ROBO2: variants seen among roughly 807,000 people sequenced by gnomAD.
ROBO2 encodes roundabout guidance receptor 2.
Under a neutral mutation model 160.8 loss-of-function variants are expected in ROBO2, and 53 were observed. The ratio of observed to expected loss-of-function variants is 0.33; its 90% confidence interval spans 0.26 to 0.41. The LOEUF is 0.41. ROBO2 is among the 10% of genes least tolerant of loss of function. The pLI, the probability that ROBO2 is intolerant of heterozygous loss-of-function variation, is 1.00. For missense variants in ROBO2, 1,577 were observed against 1,722.4 expected, an observed-to-expected ratio of 0.92 and a Z score of 1.49; for synonymous variants, 664 against 611.7, an observed-to-expected ratio of 1.09 and a Z score of -1.26.
chr3:76,290,136 T>C (rs1708732068), intron 2 of ROBO2, among the ~76,000 whole-genome samples: 1 of 152,144 alleles, frequency 6.6e-6, no homozygotes, highest in Non-Finnish European at 1.5e-5. Context: ...GCATGGACTG[T>C]TTTCCATTTC....
At chr3:77,572,636 AACACACACAC>A (rs71104692) in intron 13 of ROBO2, among the ~76,000 whole-genome samples, 8 of 146,296 alleles carry the variant, frequency 5.5e-5, no homozygotes, top group African/African-American at 1.5e-4. Flanking sequence ...CGTACATAGA[AACACACACAC>A]ACACACACAC....
chr3:77,011,086 T>TTTCTTTCA (rs1491448134), intron 2 of ROBO2, among the ~76,000 whole-genome samples: 1 of 79,138 alleles, frequency 1.3e-5, no homozygotes, highest in Admixed American at 1.3e-4. Flanking sequence ...TCTTTCTTTC[T>TTTCTTTCA]TTTTCTTTCT....
intron 2 of ROBO2, among the ~76,000 whole-genome samples, chr3:77,428,862 A>G (rs1355941180): frequency 1.3e-5 from 2 of 152,162 alleles, no homozygotes; most frequent in Non-Finnish European, 1.5e-5. Flanking sequence ...TTCAGTGTTA[A>G]CTTTTTCAAA....
chr3:77,452,785 A>G (rs1384612183), intron 2 of ROBO2, among the ~76,000 whole-genome samples: 1 of 152,190 alleles, frequency 6.6e-6, no homozygotes, highest in Non-Finnish European at 1.5e-5. Context: ...TTTAAATAAA[A>G]AGCAGAATTT....
At position 76,057,703 on chromosome 3, in the gene ROBO2, AT is replaced by A. The variant is rs113923967; in HGVS notation, c.109+120110del. 7.3e-5 allele frequency among the ~76,000 whole-genome samples: 11 copies of A among 151,234 alleles called. No homozygotes were observed. The South Asian group carries it at 1.9e-3, about 26-fold the overall frequency. On this transcript the variant is annotated intron_variant, in intron 2 of 26. Transcript: ENST00000487694. ...CACTGCCGCCGACCAACAAGACCAG[AT>A]TTTTTTTTCCTTTTTGCAAATATTC... is the stretch of plus-strand genomic sequence containing the variant.
chr3:77,340,730 C>T (rs144552499), intron 2 of ROBO2, among the ~76,000 whole-genome samples: 22 of 152,146 alleles, frequency 1.4e-4, no homozygotes, highest in African/African-American at 4.3e-4. Context: ...TCATATTTTG[C>T]CCATGAAGTT....
intron 2 of ROBO2, among the ~76,000 whole-genome samples, chr3:76,878,651 T>C (rs1377724631): frequency 6.6e-6 from 1 of 152,190 alleles, no homozygotes; most frequent in Non-Finnish European, 1.5e-5. Flanking sequence ...TATTTTCTTT[T>C]CTCGTTTATT....
intron 2 of ROBO2, among the ~76,000 whole-genome samples, chr3:77,249,820 A>G (rs2090144197): frequency 6.6e-6 from 1 of 151,474 alleles, no homozygotes. Flanking sequence ...TATTATTATT[A>G]TTATTATATA....
intron 2 of ROBO2, among the ~76,000 whole-genome samples, chr3:76,735,289 A>G (rs2093690758): frequency 6.6e-6 from 1 of 152,204 alleles, no homozygotes; most frequent in East Asian, 1.9e-4. Context: ...CTTTGCAGAA[A>G]CATGGGTGCA....
At chr3:75,940,243 A>G (rs1271858230) in intron 2 of ROBO2, among the ~76,000 whole-genome samples, 3 of 152,190 alleles carry the variant, frequency 2.0e-5, no homozygotes, top group Non-Finnish European at 2.9e-5. Flanking sequence ...CGAGGAATGT[A>G]GATTAATATC....
At chr3:77,014,164 A>G (rs1478693358) in intron 2 of ROBO2, among the ~76,000 whole-genome samples, 3 of 152,084 alleles carry the variant, frequency 2.0e-5, no homozygotes, top group African/African-American at 7.2e-5. Context: ...GCTGAATTTT[A>G]GAGCGTATAA....
At chr3:76,812,309 T>G (rs2065256695) in intron 2 of ROBO2, among the ~76,000 whole-genome samples, 1 of 127,530 alleles carries the variant, frequency 7.8e-6, no homozygotes, top group Admixed American at 8.1e-5. Flanking sequence ...CTAAAAATTT[T>G]AAAAATTATA....
At chr3:75,986,997 G>A in intron 2 of ROBO2, among the ~76,000 whole-genome samples, 1 of 151,720 alleles carries the variant, frequency 6.6e-6, no homozygotes, top group East Asian at 1.9e-4. Context: ...TTTGAAACCA[G>A]GGAGTGTGAG....
intron 2 of ROBO2, among the ~76,000 whole-genome samples, chr3:76,496,335 G>C (rs921530867): frequency 2.0e-5 from 3 of 152,142 alleles, no homozygotes; most frequent in Non-Finnish European, 2.9e-5. Flanking sequence ...AATCTATAAA[G>C]TTAACAAAAT....
intron 2 of ROBO2, among the ~76,000 whole-genome samples, chr3:76,722,139 A>C (rs1355014977): frequency 1.3e-5 from 2 of 152,178 alleles, no homozygotes; most frequent in Non-Finnish European, 2.9e-5. Flanking sequence ...AAGTAGGAGG[A>C]AACACTGTTG....
chr3:76,396,316 C>A lies in ROBO2; in HGVS notation c.109+458714C>A, dbSNP rs180788507. On this transcript the variant is annotated intron_variant, in intron 2 of 26. Transcript: ENST00000487694. ...CTCAATAAATTAGGTATTGATGGGA[C>A]GTGTCTCAAAATAATAAGAGCTATC... is the stretch of plus-strand genomic sequence containing the variant. 2.9e-3 allele frequency among the ~76,000 whole-genome samples: 439 copies of A among 152,164 alleles called. 6 individuals are homozygous for A. The highest frequency in any genetic ancestry group is 0.024 in the Admixed American group (365 of 15,266).
Position 76,021,351 on chromosome 3 carries a change from C to T in ROBO2, c.109+83749C>T, listed in dbSNP as rs1385442240. 2.0e-5 allele frequency among the ~76,000 whole-genome samples: 3 copies of T among 151,932 alleles called. No individual in the cohort carries two copies. The East Asian group carries it at 5.8e-4, about 29-fold the overall frequency. ...TTTGAGGTGAAAGTTCACCACCACT[C>T]TCACCTACCAATAACAAGATAGAAC... is the stretch of plus-strand genomic sequence containing the variant. On this transcript the variant is annotated intron_variant, in intron 2 of 26. Coordinates refer to the ROBO2 transcript ENST00000487694.
chr3:76,845,488 GAT>G (rs2068694920), intron 2 of ROBO2, among the ~76,000 whole-genome samples: 1 of 151,908 alleles, frequency 6.6e-6, no homozygotes, highest in African/African-American at 2.4e-5. Context: ...ATGTGACAGA[GAT>G]ATAGAAGGAC....
chr3:77,259,006 T>A (rs968551521), intron 2 of ROBO2, among the ~76,000 whole-genome samples: 1 of 152,186 alleles, frequency 6.6e-6, no homozygotes, highest in Non-Finnish European at 1.5e-5. Flanking sequence ...CACAGTCAGT[T>A]CTCTTTTCCT....
Sources: gnomAD v4.1 joint callset for allele counts (sites outside exome capture counted in the v4.1 genomes callset) on GRCh38, gnomAD v4.1.1 for gene constraint, MANE v1.5 for transcripts, NCBI Gene and HGNC (gene_info 2026-07-23, HGNC 2026-07-21) for gene names.